Variants in DOCK10 observed in about 807,000 individuals in gnomAD.
The protein encoded by DOCK10 is dedicator of cytokinesis protein 10.
Under a neutral mutation model 280.1 loss-of-function variants are expected in DOCK10, and 145 were observed. The observed-to-expected ratio is 0.52, with a 90% CI of 0.45 to 0.59. DOCK10 has a LOEUF of 0.59. Among genes scored for constraint, DOCK10 ranks in the 20% least tolerant of loss-of-function variants. The pLI, the probability that DOCK10 is intolerant of heterozygous loss-of-function variation, is 0.00. For synonymous variants in DOCK10, 915 were observed against 942.2 expected (o/e 0.97, Z 0.53); for missense variants, 2,368 against 2,651.7 (o/e 0.89, Z 2.35).
At chr2:224,780,266 C>T (rs1691225250) in intron 50 of DOCK10, among the ~76,000 whole-genome samples, 2 of 152,174 alleles carry the variant, frequency 1.3e-5, no homozygotes. Context: ...GACTCCACTC[C>T]CACATGACTT....
Position 224,787,067 on chromosome 2 carries a change from C to T in DOCK10, c.5610G>A (p.Glu1870=). ...GATAGTAGCGACCAAACAGCCGCTT[C>T]TCCGAATTCACCACCTCTGCCACTT... ...YLKVAEVVNS[E]KRLFGRYYRV... The change falls in exon 50 of 56, where the codon GAG becomes GAA. Residue 1870 remains glutamate, a synonymous_variant. Coordinates refer to ENST00000258390, the MANE Select transcript of DOCK10 (RefSeq NM_014689.3). 1 of 1,614,024 alleles carries T rather than the reference C, an allele frequency of 6.2e-7. No homozygotes were observed. Among genetic ancestry groups the T allele is most frequent in the Middle Eastern group, 1.6e-4 (1 of 6,062 alleles).
intron 42 of DOCK10, 73 bp from the exon 43 acceptor site, chr2:224,797,219 A>G (rs747726373): frequency 1.2e-4 from 143 of 1,193,324 alleles, no homozygotes; most frequent in Non-Finnish European, 1.5e-4. Flanking sequence ...ATATTTTAAA[A>G]TTCCCTAAAA....
At chr2:225,032,333 A>T (rs530230442) in intron 1 of DOCK10, among the ~76,000 whole-genome samples, 5 of 152,240 alleles carry the variant, frequency 3.3e-5, no homozygotes, top group Non-Finnish European at 7.4e-5. Context: ...GAAGCCATAT[A>T]ATGGCTTCTG....
rs775063187 is a variant in DOCK10 at position 224,931,685 on chromosome 2, T to C, written c.124-17A>G. 2 of 1,575,220 alleles carry C rather than the reference T, an allele frequency of 1.3e-6. No individual in the cohort carries two copies. The highest frequency in any genetic ancestry group is 1.7e-6 in the Non-Finnish European group (2 of 1,159,700). The stretch of plus-strand genomic sequence containing the variant: ...CTTTTCTTGCTGTAGAAAAAGAAAA[T>C]ATGGTATTAATCACTGACATACACC... On this transcript the variant is annotated splice_polypyrimidine_tract_variant and intron_variant, in intron 1 of 55. Coordinates refer to ENST00000258390, the MANE Select transcript of DOCK10 (RefSeq NM_014689.3).
intron 14 of DOCK10, among the ~76,000 whole-genome samples, chr2:224,858,502 C>T (rs1697292172): frequency 6.6e-6 from 1 of 152,076 alleles, no homozygotes; most frequent in African/African-American, 2.4e-5. Flanking sequence ...ACTAAAAATA[C>T]AAAAATTAGC....
chr2:224,857,820 T>C (rs1697244541), intron 14 of DOCK10, among the ~76,000 whole-genome samples: 1 of 152,178 alleles, frequency 6.6e-6, no homozygotes, highest in Non-Finnish European at 1.5e-5. Context: ...ATGTAATGTT[T>C]TATCACTCTT....
At chr2:224,818,559 G>A (rs1574875591) in intron 29 of DOCK10, among the ~76,000 whole-genome samples, 2 of 151,958 alleles carry the variant, frequency 1.3e-5, no homozygotes, top group South Asian at 2.1e-4. Flanking sequence ...AACCACGCCC[G>A]GCTAATTTTT....
intron 1 of DOCK10, among the ~76,000 whole-genome samples, chr2:224,961,778 T>A (rs1704465189): frequency 6.6e-6 from 1 of 152,110 alleles, no homozygotes. Context: ...GTGCTGGGAT[T>A]ACAAGTGTGA....
intron 3 of DOCK10, among the ~76,000 whole-genome samples, chr2:224,898,929 T>C (rs1475398776): frequency 6.6e-6 from 1 of 152,190 alleles, no homozygotes; most frequent in East Asian, 1.9e-4. Context: ...TCATTTTGGA[T>C]AAAGATGCCA....
chr2:224,915,220 T>C (rs1347772428), intron 3 of DOCK10, among the ~76,000 whole-genome samples: 2 of 31,044 alleles, frequency 6.4e-5, no homozygotes, highest in Non-Finnish European at 2.2e-4. Context: ...AGTCTGATTG[T>C]CTGGTATAAA....
chr2:224,811,658 T>C (rs1693786292), intron 31 of DOCK10, among the ~76,000 whole-genome samples: 1 of 152,224 alleles, frequency 6.6e-6, no homozygotes, highest in South Asian at 2.1e-4. Flanking sequence ...GAATTGATTT[T>C]TGTATAAGGT....
chr2:224,990,953 G>A (rs1706113066), intron 1 of DOCK10, among the ~76,000 whole-genome samples: 1 of 152,206 alleles, frequency 6.6e-6, no homozygotes. Context: ...TTAGTGAAGA[G>A]GTCTTTATAT....
chr2:224,852,813 A>G, intron 17 of DOCK10, 122 bp downstream of exon 17: 1 of 844,238 alleles, frequency 1.2e-6, no homozygotes, highest in Non-Finnish European at 1.7e-6. Flanking sequence ...CATCTTCTCC[A>G]AACGGTTTTC....
rs767631428 is a variant in DOCK10, at chr2:224,807,715, T to A, written c.3655A>T (p.Ile1219Phe). The A allele has an allele frequency of 6.4e-7, 1 of 1,573,266 alleles. No individual in the cohort carries two copies. Among genetic ancestry groups the A allele is most frequent in the Non-Finnish European group, 8.6e-7 (1 of 1,157,710 alleles). ...YGMLLDNMPRIYLKDLYPFTV... is the reference protein window; with the variant it reads ...YGMLLDNMPRFYLKDLYPFTV... ...AAAGGATACAGGTCCTTCAGATAAA[T>A]CCTTGGCATATTGTCCAGGAGCATG... Residue 1219 changes from isoleucine to phenylalanine, a missense_variant, in exon 33 of 56, where the codon ATT (isoleucine) becomes TTT (phenylalanine). By Grantham distance (21) the Ile-to-Phe change is conservative (BLOSUM62 0). This residue lies in a region of DOCK10 where 1,159 missense variants were observed against 1,400.8 expected (regional missense o/e 0.83). Coordinates refer to ENST00000258390, the MANE Select transcript of DOCK10 (RefSeq NM_014689.3).
chr2:224,783,968 T>C (rs748804402), intron 50 of DOCK10, among the ~76,000 whole-genome samples: 17 of 152,174 alleles, frequency 1.1e-4, no homozygotes, highest in Non-Finnish European at 1.5e-5. Flanking sequence ...CCATATAAAG[T>C]TGCCATTTTT....
Position 225,035,556 on chromosome 2 carries a change from A to AT in DOCK10, c.123+6695dup, listed in dbSNP as rs1343283126. ...TATGATATATATTATATATATATATATATATATATATATATATATATATAT... is the reference window on the plus strand; with the variant it reads ...TATGATATATATTATATATATATATATTATATATATATATATATATATATAT... On this transcript the variant is annotated intron_variant, in intron 1 of 55. Coordinates refer to ENST00000258390, the MANE Select transcript of DOCK10 (RefSeq NM_014689.3). Among the ~76,000 whole-genome samples the AT allele has an allele frequency of 1.8e-4, 6 of 32,734 alleles. 1 individual carries two copies. The highest frequency in any genetic ancestry group is 1.4e-3 in the Admixed American group (5 of 3,558). The allele number at this position is 32,734 out of a possible 152,430, so 21.5% of individuals were successfully genotyped here. A position where few individuals can be genotyped will look rare whatever the true frequency, so the allele number is the denominator to read the frequency against.
At chr2:224,917,800 G>T (rs1453718761) in intron 2 of DOCK10, among the ~76,000 whole-genome samples, 1 of 152,200 alleles carries the variant, frequency 6.6e-6, no homozygotes, top group Non-Finnish European at 1.5e-5. Context: ...AAGCACAGGA[G>T]AATGAAATGC....
intron 1 of DOCK10, among the ~76,000 whole-genome samples, chr2:224,945,476 T>G (rs1421679963): frequency 6.6e-6 from 1 of 152,100 alleles, no homozygotes; most frequent in East Asian, 1.9e-4. Flanking sequence ...ACTGCATGTA[T>G]TCACCAATGG....
chr2:224,931,694 A>C, intron 1 of DOCK10, 26 bp from the exon 2 acceptor site: 1 of 1,562,252 alleles, frequency 6.4e-7, no homozygotes, highest in Non-Finnish European at 8.7e-7. Flanking sequence ...ATATGGTATT[A>C]ATCACTGACA....
Sources: allele counts gnomAD v4.1 joint callset (sites outside exome capture counted in the v4.1 genomes callset), GRCh38; gene constraint gnomAD v4.1.1; regional missense constraint gnomAD v4.1.1; transcripts MANE v1.5; gene names NCBI Gene and HGNC (gene_info 2026-07-23, HGNC 2026-07-21).